The following ZNF512B variants were observed in gnomAD, a reference collection of about 807,000 sequenced individuals.
ZNF512B encodes zinc finger protein 512B.
A neutral mutation model predicts 87.8 loss-of-function variants in ZNF512B; 22 were observed. The observed-to-expected ratio is 0.25, with a 90% confidence interval of 0.18 to 0.36. ZNF512B has a LOEUF of 0.36. ZNF512B is among the 10% of genes least tolerant of loss of function. ZNF512B has a pLI of 1.00. For missense variants in ZNF512B, 1,060 were observed against 1,231.6 expected (o/e 0.86, Z 2.09); for synonymous variants, 524 against 490.9 (o/e 1.07, Z -0.89).
Position 63,966,350 on chromosome 20 carries a change from G to C in ZNF512B, c.825C>G (p.Pro275=). The change falls in exon 5 of 17, where the codon CCC becomes CCG. Residue 275 remains proline, a synonymous_variant. Coordinates refer to ENST00000369888, the MANE Select transcript of ZNF512B (RefSeq NM_020713.3). ...PVTKPVPVTK[P]ITVTKLVTVT... is the part of the protein sequence containing the mutation. ...CTGTCACAAGCTTTGTTACCGTAAT[G>C]GGTTTGGTGACAGGTACGGGTTTGG... The C allele has an allele frequency of 1.3e-6, 2 of 1,593,806 alleles. No homozygotes were observed. Among genetic ancestry groups the C allele is most frequent in the Non-Finnish European group, 1.7e-6 (2 of 1,165,766 alleles).
chr20:63,959,571 C>A lies in ZNF512B; in HGVS notation c.*317G>T. ...GGAAGCGGAGCCGGGGGGCCAAAGG[C>A]CATCTGCCTACTCTGCGCTGCAGCC... On this transcript the variant is annotated 3_prime_UTR_variant, in exon 17 of 17. Transcript: ENST00000369888. The A allele has an allele frequency of 2.7e-6, 1 of 370,700 alleles. No homozygotes were observed. Among genetic ancestry groups the A allele is most frequent in the Non-Finnish European group, 4.8e-6 (1 of 207,864 alleles). 23.0% of individuals were successfully genotyped at this position (370,700 alleles called of 1,614,324 possible). A position where few individuals can be genotyped will look rare whatever the true frequency, so the allele number is the denominator to read the frequency against.
At position 63,962,596 on chromosome 20, in the gene ZNF512B, C is replaced by T. The variant is rs1284784108; in HGVS notation, c.2154G>A (p.Glu718=). 2 of 1,605,778 alleles carry T rather than the reference C, an allele frequency of 1.2e-6. No individual in the cohort carries two copies. Among genetic ancestry groups the T allele is most frequent in the Non-Finnish European group, 1.7e-6 (2 of 1,178,794 alleles). ...KRRMKDDLVP[E]TARLNYTRPG... is the part of the protein sequence containing the mutation. ...GGGGGGGGCAGCTCACCCGTGCGGT[C>T]TCGGGCACAAGGTCATCCTTCATGC... The change falls in exon 13 of 17, where the codon GAG becomes GAA. Residue 718 remains glutamate (E), a synonymous_variant. Transcript: ENST00000369888.
At chr20:63,967,030 C>T in intron 3 of ZNF512B, 26 bp from the exon 4 acceptor site, 1 of 1,612,088 alleles carries the variant, frequency 6.2e-7, no homozygotes, top group Non-Finnish European at 8.5e-7. Context: ...GGTGGTGCTG[C>T]TGACCCGCAG....
Position 63,964,058 on chromosome 20 carries a change from A to C in ZNF512B, c.1480+13T>G. The C allele has an allele frequency of 6.2e-7, 1 of 1,604,686 alleles. No individual in the cohort carries two copies. The highest frequency in any genetic ancestry group is 1.1e-5 in the South Asian group (1 of 90,754). The stretch of plus-strand genomic sequence containing the variant: ...TCTAGAGCTGCCCTGAGCCCCTGCC[A>C]GGCAGCCCCTACCTGGAGCTGGGTG... On this transcript the variant is annotated intron_variant, in intron 8 of 16. Transcript: ENST00000369888.
At position 63,966,345 on chromosome 20, in the gene ZNF512B, G is replaced by T. The variant is rs570559377; in HGVS notation, c.830C>A (p.Thr277Lys). ...TKPVPVTKPI[T>K]VTKLVTVTKP... ...CGTAACTGTCACAAGCTTTGTTACCGTAATGGGTTTGGTGACAGGTACGGG... is the reference window on the plus strand; with the variant it reads ...CGTAACTGTCACAAGCTTTGTTACCTTAATGGGTTTGGTGACAGGTACGGG... Residue 277 changes from threonine (T) to lysine (K), a missense_variant, in exon 5 of 17, where the codon ACG (threonine) becomes AAG (lysine). Coordinates refer to ENST00000369888, the MANE Select transcript of ZNF512B (RefSeq NM_020713.3). 6.3e-7 allele frequency: 1 copy of T among 1,594,660 alleles called. No individual in the cohort carries two copies. Among genetic ancestry groups the T allele is most frequent in the Admixed American group, 1.7e-5 (1 of 58,446 alleles).
chr20:63,966,726 G>A lies in ZNF512B; in HGVS notation c.449C>T (p.Thr150Ile), dbSNP rs376840677. 6.2e-7 allele frequency: 1 copy of A among 1,606,980 alleles called. No homozygotes were observed. Among genetic ancestry groups the A allele is most frequent in the African/African-American group, 1.3e-5 (1 of 74,828 alleles). The change falls in exon 5 of 17, where the codon ACC (threonine) becomes ATC (isoleucine). Residue 150 changes from threonine to isoleucine, a missense_variant. Around this residue, in one of 9 missense-constraint regions of ZNF512B, gnomAD observed 32 missense variants for 68.0 expected, o/e 0.47. Coordinates refer to ENST00000369888, the MANE Select transcript of ZNF512B (RefSeq NM_020713.3). ...FPCPFCEAAF[T>I]SKTQLEKHRI... Reference sequence around the variant, plus strand: ...GTGTTTCTCCAGCTGGGTCTTAGAGGTGAATGCGGCCTCGCAGAAGGGGCA... The same window carrying A: ...GTGTTTCTCCAGCTGGGTCTTAGAGATGAATGCGGCCTCGCAGAAGGGGCA...
intron 16 of ZNF512B, 47 bp from the exon 17 acceptor site, chr20:63,960,186 C>T: frequency 3.7e-6 from 6 of 1,605,438 alleles, no homozygotes; most frequent in Non-Finnish European, 5.1e-6. Context: ...GGATGCTGAG[C>T]ACCTGAGCCA....
chr20:63,969,439 G>A (rs890816391), intron 1 of ZNF512B, among the ~76,000 whole-genome samples: 30 of 151,848 alleles, frequency 2.0e-4, no homozygotes, highest in African/African-American at 7.2e-4. Context: ...AGGCCGTTCG[G>A]CCCGGGACCC....
In ZNF512B at chr20:63,959,656, G is replaced by C. The variant is rs1480063176; in HGVS notation, c.*232C>G. ...AGGAGGGGCAACCCTCCTGGCTATT[G>C]CACTTCTGCTGGGCACACCTTGGGG... is the stretch of plus-strand genomic sequence containing the variant. On this transcript the variant is annotated 3_prime_UTR_variant, in exon 17 of 17. Coordinates refer to ENST00000369888, the MANE Select transcript of ZNF512B (RefSeq NM_020713.3). 1 of 570,032 alleles carries C rather than the reference G, an allele frequency of 1.8e-6. No individual in the cohort carries two copies. The highest frequency in any genetic ancestry group is 3.0e-6 in the Non-Finnish European group (1 of 338,462). 35.3% of individuals were successfully genotyped at this position (570,032 alleles called of 1,614,324 possible).
chr20:63,967,958 G>A lies in ZNF512B; in HGVS notation c.-2-6C>T, dbSNP rs376867324. ...GCAGAAAGGATCCGTCATCTCTGCA[G>A]AGCAAGTAGACAATCTGTGAAGCCT... On this transcript the variant is annotated splice_region_variant and splice_polypyrimidine_tract_variant and intron_variant, in intron 1 of 16. Coordinates refer to ENST00000369888, the MANE Select transcript of ZNF512B (RefSeq NM_020713.3). 1 of 1,601,576 alleles carries A rather than the reference G, an allele frequency of 6.2e-7. No individual in the cohort carries two copies. The highest frequency in any genetic ancestry group is 1.3e-5 in the African/African-American group (1 of 74,786).
chr20:63,962,361 C>T lies in ZNF512B; in HGVS notation c.2177G>A (p.Arg726Gln), dbSNP rs753231714. 7.4e-6 allele frequency: 12 copies of T among 1,612,080 alleles called. No individual in the cohort carries two copies. The highest frequency in any genetic ancestry group is 1.0e-5 in the Non-Finnish European group (12 of 1,179,724). ...VPETARLNYT[R>Q]PGLPTLNPQL... ...GGGGTTCAGCGTGGGGAGCCCTGGT[C>T]GAGTGTAGTTGAGCTGTGAATTCGA... is the stretch of plus-strand genomic sequence containing the variant. Residue 726 changes from arginine to glutamine, a missense_variant, in exon 14 of 17, where the codon CGA becomes CAA. Coordinates refer to ENST00000369888, the MANE Select transcript of ZNF512B (RefSeq NM_020713.3).
chr20:63,964,623 C>G lies in ZNF512B; in HGVS notation c.1128G>C (p.Ser376=), dbSNP rs147400252. Residue 376 remains serine, a synonymous_variant, in exon 6 of 17, where the codon TCG becomes TCC. Transcript: ENST00000369888. ...TGGTGTCTGCACTCAGCTGGAAGGC[C>G]GAGCTCTGGCCCATGGAGGAGGGGC... ...EYGPSSMGQS[S]AFQLSADTSS... is the part of the protein sequence containing the mutation. 3.2e-5 allele frequency: 51 copies of G among 1,612,938 alleles called. No individual in the cohort carries two copies. The highest frequency in any genetic ancestry group is 1.7e-4 in the Middle Eastern group (1 of 5,830).
rs1400044107 is a variant in ZNF512B at position 63,961,068 on chromosome 20, G to T, written c.2427+241C>A. ...GGCAAGCACCTGCAGCAGGGCTGCTGGGGGCTGGAAAGGCGGACACCCCGA... is the reference window on the plus strand; with the variant it reads ...GGCAAGCACCTGCAGCAGGGCTGCTTGGGGCTGGAAAGGCGGACACCCCGA... On this transcript the variant is annotated intron_variant, in intron 16 of 16. Transcript: ENST00000369888. The surrounding 1 kb of genome is among the most constrained non-coding windows in gnomAD (Gnocchi z 6.4). Among the ~76,000 whole-genome samples the T allele has an allele frequency of 2.6e-5, 4 of 152,202 alleles. No homozygotes were observed. Among genetic ancestry groups the T allele is most frequent in the Non-Finnish European group, 5.9e-5 (4 of 68,020 alleles).
rs747054997 is a variant in ZNF512B, at chr20:63,964,215, G to A, written c.1336C>T (p.Leu446=). 4 of 1,605,168 alleles carry A rather than the reference G, an allele frequency of 2.5e-6. No homozygotes were observed. The highest frequency in any genetic ancestry group is 2.7e-5 in the African/African-American group (2 of 74,580). Residue 446 remains leucine, a splice_region_variant and synonymous_variant, in exon 8 of 17, where the codon CTG becomes TTG. Coordinates refer to ENST00000369888, the MANE Select transcript of ZNF512B (RefSeq NM_020713.3). ...CGGGCCTTGTCCTCAGCTTTGACCA[G>A]GCCTGTGTGCACACATGGGGTGGAG... ...SISGTFGLKG[L]VKAEDKARVH... is the part of the protein sequence containing the mutation.
At position 63,962,333 on chromosome 20, in the gene ZNF512B, C is replaced by G; in HGVS notation, c.2205G>C (p.Gln735His). Residue 735 changes from glutamine (Q) to histidine (H), a missense_variant, in exon 14 of 17, where the codon CAG becomes CAC. Transcript: ENST00000369888. Reference protein sequence around the residue: ...TRPGLPTLNPQLLEAWKNEVK... With the variant: ...TRPGLPTLNPHLLEAWKNEVK... Reference sequence around the variant, plus strand: ...CTTCATTCTTCCATGCCTCTAGCAGCTGGGGGTTCAGCGTGGGGAGCCCTG... The same window carrying G: ...CTTCATTCTTCCATGCCTCTAGCAGGTGGGGGTTCAGCGTGGGGAGCCCTG... 2 of 1,613,002 alleles carry G rather than the reference C, an allele frequency of 1.2e-6. No individual in the cohort carries two copies. Among genetic ancestry groups the G allele is most frequent in the Non-Finnish European group, 1.7e-6 (2 of 1,179,944 alleles).
rs2058896392 is a variant in ZNF512B, at chr20:63,964,370, T to C, written c.1283A>G (p.Lys428Arg). The C allele has an allele frequency of 6.2e-7, 1 of 1,613,834 alleles. No homozygotes were observed. The highest frequency in any genetic ancestry group is 8.5e-7 in the Non-Finnish European group (1 of 1,179,912). ...TKHRRKQKTPKKFTGEQPSIS... is the reference protein window; with the variant it reads ...TKHRRKQKTPRKFTGEQPSIS... ...GGATGGCTGCTCCCCTGTAAACTTT[T>C]TGGGTGTTTTCTGTTTCCTTCCTGA... Residue 428 changes from lysine to arginine, a missense_variant, in exon 7 of 17, where the codon AAA becomes AGA. By Grantham distance (26) the Lys-to-Arg change is conservative. Coordinates refer to ENST00000369888, the MANE Select transcript of ZNF512B (RefSeq NM_020713.3).
rs2058962840 is a variant in ZNF512B, at chr20:63,969,834, G to T, written c.-23C>A. ...CTTACCTGCGGCGCCCAGCGGGGCT[G>T]CGGCCGGGCCGGGCCGGGCCGGGGC... is the stretch of plus-strand genomic sequence containing the variant. On this transcript the variant is annotated 5_prime_UTR_variant, in exon 1 of 17. Transcript: ENST00000369888. 1 of 129,028 alleles carries T rather than the reference G, an allele frequency of 7.8e-6. No homozygotes were observed. The allele number at this position is 129,028 out of a possible 1,614,324, so 8.0% of individuals were successfully genotyped here.
intron 13 of ZNF512B, 46 bp from the exon 14 acceptor site, chr20:63,962,420 C>T: frequency 1.9e-6 from 3 of 1,576,394 alleles, no homozygotes; most frequent in South Asian, 1.1e-5. Flanking sequence ...CAGAAGACAC[C>T]CCAGCTGCTC....
chr20:63,967,879 G>A lies in ZNF512B; in HGVS notation c.72C>T (p.Gly24=). ...TTGGAAGTCGGACCTCCTTTCGGCTGCCATCCTTCCCGGGACCACTCTTGC... is the reference window on the plus strand; with the variant it reads ...TTGGAAGTCGGACCTCCTTTCGGCTACCATCCTTCCCGGGACCACTCTTGC... ...GSSKSGPGKD[G]SRKEVRLPML... The change falls in exon 2 of 17, where the codon GGC becomes GGT. Residue 24 remains glycine, a synonymous_variant. Coordinates refer to ENST00000369888, the MANE Select transcript of ZNF512B (RefSeq NM_020713.3). 6.2e-7 allele frequency: 1 copy of A among 1,613,362 alleles called. No individual in the cohort carries two copies. The highest frequency in any genetic ancestry group is 8.5e-7 in the Non-Finnish European group (1 of 1,179,836).
Sources: gnomAD v4.1 joint callset for allele counts (sites outside exome capture counted in the v4.1 genomes callset) on GRCh38, gnomAD v4.1.1 for gene constraint, gnomAD v4.1.1 regional missense constraint, Gnocchi (gnomAD v3.1) non-coding constraint, MANE v1.5 for transcripts, NCBI Gene and HGNC (gene_info 2026-07-23, HGNC 2026-07-21) for gene names.